LRP1B: variants seen among roughly 807,000 people sequenced by gnomAD.
The protein encoded by LRP1B is low-density lipoprotein receptor-related protein 1B.
Under a neutral mutation model 556.6 loss-of-function variants are expected in LRP1B, and 217 were observed. The ratio of observed to expected loss-of-function variants is 0.39; its 90% CI spans 0.35 to 0.44. The LOEUF is 0.44. LRP1B is among the 20% of genes least tolerant of loss of function. The pLI, the probability that LRP1B is intolerant of heterozygous loss-of-function variation, is 1.00. For missense variants in LRP1B, 5,053 were observed against 5,620.8 expected, an observed-to-expected ratio of 0.90 and a Z score of 3.23; for synonymous variants, 2,047 against 1,865.8, an observed-to-expected ratio of 1.10 and a Z score of -2.50.
intron 3 of LRP1B, among the ~76,000 whole-genome samples, chr2:141,352,584 T>G (rs899415499): frequency 5.9e-5 from 9 of 151,922 alleles, no homozygotes; most frequent in African/African-American, 2.2e-4. Flanking sequence ...AACAGACCTT[T>G]GGTTAATTGA....
chr2:140,846,205 C>G (rs1264874036), intron 29 of LRP1B, among the ~76,000 whole-genome samples: 3 of 152,138 alleles, frequency 2.0e-5, no homozygotes, highest in African/African-American at 4.8e-5. Context: ...TAGAAAATAG[C>G]TCTCAACTTG....
intron 27 of LRP1B, among the ~76,000 whole-genome samples, chr2:140,853,408 T>C (rs1322312004): frequency 6.6e-6 from 1 of 152,156 alleles, no homozygotes; most frequent in Non-Finnish European, 1.5e-5. Context: ...ATAATACTTG[T>C]ATTAAGTTTG....
In LRP1B at chr2:140,342,159, A is replaced by G. The variant is rs185911913; in HGVS notation, c.11893-6321T>C. Among the ~76,000 whole-genome samples, 89 of 151,590 alleles carry G rather than the reference A, an allele frequency of 5.9e-4. 2 individuals carry two copies. The highest frequency in any genetic ancestry group is 2.1e-3 in the African/African-American group (88 of 41,450). ...CATATAATTTATAATTATTCTTTCA[A>G]CTTTCATAGTACATACAACAACTTC... On this transcript the variant is annotated intron_variant, in intron 77 of 90. Coordinates refer to ENST00000389484, the MANE Select transcript of LRP1B (RefSeq NM_018557.3).
chr2:141,595,622 T>TTTGAC (rs1687488276), intron 2 of LRP1B, among the ~76,000 whole-genome samples: 1 of 152,086 alleles, frequency 6.6e-6, no homozygotes, highest in African/African-American at 2.4e-5. Context: ...TTAGAAAAAA[T>TTTGAC]AATTTAGAAA....
At chr2:141,837,236 G>C (rs1225416345) in intron 1 of LRP1B, among the ~76,000 whole-genome samples, 1 of 151,966 alleles carries the variant, frequency 6.6e-6, no homozygotes, top group South Asian at 2.1e-4. Context: ...AGTAAGGAGA[G>C]AGTCATCAAA....
chr2:140,613,137 T>C (rs1056771612), intron 41 of LRP1B, among the ~76,000 whole-genome samples: 8 of 150,518 alleles, frequency 5.3e-5, no homozygotes, highest in African/African-American at 1.5e-4. Context: ...GTAAATTATT[T>C]TGTCATCTTT....
intron 6 of LRP1B, among the ~76,000 whole-genome samples, chr2:141,212,554 G>T (rs1682611189): frequency 6.6e-6 from 1 of 151,348 alleles, no homozygotes; most frequent in African/African-American, 2.4e-5. Context: ...AGAGTGCTAG[G>T]ATTACACACG....
chr2:141,558,418 T>G (rs998557227), intron 2 of LRP1B, among the ~76,000 whole-genome samples: 2 of 151,808 alleles, frequency 1.3e-5, no homozygotes, highest in Non-Finnish European at 2.9e-5. Flanking sequence ...AGTTCCTAAT[T>G]GGAGTATCAT....
chr2:140,299,961 C>A (rs527489098), intron 83 of LRP1B, among the ~76,000 whole-genome samples: 94 of 151,622 alleles, frequency 6.2e-4, no homozygotes, highest in African/African-American at 2.2e-3. Flanking sequence ...TTTTTGTTTA[C>A]ATTAGGGTTG....
In LRP1B at chr2:140,760,851, C is replaced by T. The variant is rs947752269; in HGVS notation, c.5758+8362G>A. The stretch of plus-strand genomic sequence containing the variant: ...TTGCAGTGAGCTGAGATCACACCAT[C>T]GCATTCCAGCCTGGGCGACACAGTG... On this transcript the variant is annotated intron_variant, in intron 35 of 90. Transcript: ENST00000389484. 7.2e-5 allele frequency among the ~76,000 whole-genome samples: 11 copies of T among 151,860 alleles called. No individual in the cohort carries two copies. The East Asian group carries it at 1.4e-3, about 19-fold the overall frequency.
intron 1 of LRP1B, among the ~76,000 whole-genome samples, chr2:141,947,047 A>G (rs573301848): frequency 2.0e-5 from 3 of 152,278 alleles, no homozygotes; most frequent in Admixed American, 6.5e-5. Context: ...GACGCAAAGT[A>G]AGAGGATGTT....
intron 3 of LRP1B, among the ~76,000 whole-genome samples, chr2:141,337,853 C>T (rs908279171): frequency 7.2e-5 from 11 of 152,120 alleles, no homozygotes; most frequent in African/African-American, 2.7e-4. Flanking sequence ...AAGTCTTTGA[C>T]AAATAATGAC....
At chr2:141,784,699 G>A (rs1306758785) in intron 2 of LRP1B, among the ~76,000 whole-genome samples, 2 of 151,806 alleles carry the variant, frequency 1.3e-5, no homozygotes, top group Admixed American at 1.3e-4. Context: ...CTTAAGTAAT[G>A]AAGACATGTG....
intron 41 of LRP1B, among the ~76,000 whole-genome samples, chr2:140,643,884 T>C (rs1559027267): frequency 6.6e-6 from 1 of 152,232 alleles, no homozygotes; most frequent in Non-Finnish European, 1.5e-5. Context: ...TCAATAGCTT[T>C]ATATTACATC....
At chr2:140,923,280 A>G in intron 20 of LRP1B, 133 bp from the exon 21 acceptor site, 1 of 618,318 alleles carries the variant, frequency 1.6e-6, no homozygotes, top group Non-Finnish European at 2.8e-6. Flanking sequence ...GAGAGAATAC[A>G]TTTTTACTTT....
intron 18 of LRP1B, among the ~76,000 whole-genome samples, chr2:140,979,394 A>G (rs1324504059): frequency 6.6e-6 from 1 of 152,216 alleles, no homozygotes. Flanking sequence ...AATGTTTAAA[A>G]CAAAGGTAAT....
intron 1 of LRP1B, among the ~76,000 whole-genome samples, chr2:141,812,303 G>A (rs1394736194): frequency 1.4e-5 from 2 of 148,120 alleles, no homozygotes; most frequent in Admixed American, 6.6e-5. Context: ...GAGACTGAAA[G>A]TAGGTTTATT....
chr2:142,101,683 T>A lies in LRP1B; in HGVS notation c.82+28965A>T, dbSNP rs111734420. The stretch of plus-strand genomic sequence containing the variant: ...TAGACACAACCTATCACTTAAAAAA[T>A]CAGGCTCAAACTTTGAAAGTCAAAA... On this transcript the variant is annotated intron_variant, in intron 1 of 90. Coordinates refer to ENST00000389484, the MANE Select transcript of LRP1B (RefSeq NM_018557.3). Among the ~76,000 whole-genome samples, 52 of 152,102 alleles carry A rather than the reference T, an allele frequency of 3.4e-4. 2 individuals carry two copies. The highest frequency in any genetic ancestry group is 1.2e-3 in the African/African-American group (51 of 41,532).
rs149622389 is a variant in LRP1B at position 140,308,429 on chromosome 2, T to A, written c.12805+6506A>T. 7.9e-5 allele frequency among the ~76,000 whole-genome samples: 12 copies of A among 151,942 alleles called. No individual in the cohort carries two copies. In the East Asian group the frequency reaches 2.3e-3, roughly 29 times the overall value. On this transcript the variant is annotated intron_variant, in intron 83 of 90. Transcript: ENST00000389484. The stretch of plus-strand genomic sequence containing the variant: ...AATTCCTTCTGAGCTTTCTGTGACA[T>A]AGTGACCGATTATTATTTCTGTGCC...
Sources: allele counts gnomAD v4.1 joint callset (sites outside exome capture counted in the v4.1 genomes callset), GRCh38; gene constraint gnomAD v4.1.1; transcripts MANE v1.5; gene names NCBI Gene and HGNC (gene_info 2026-07-23, HGNC 2026-07-21).